The following CCDC15 variants were observed in gnomAD, a reference collection of about 807,000 sequenced individuals.
CCDC15 encodes coiled-coil domain containing 15.
CCDC15 carries 105 observed loss-of-function variants against 114.5 expected under a neutral mutation model. That is an observed-to-expected ratio of 0.92 (90% CI 0.78 to 1.08). The LOEUF is 1.08. CCDC15 is among the 50% of genes least tolerant of loss of function. The probability of loss-of-function intolerance (pLI) is 0.00; values close to 1 mark genes in which losing one functional copy is unlikely to be tolerated. For synonymous variants in CCDC15, 334 were observed against 377.8 expected (o/e 0.88, Z 1.34); for missense variants, 1,105 against 1,093.6 (o/e 1.01, Z -0.15).
At position 124,959,795 on chromosome 11, in the gene CCDC15, C is replaced by G; in HGVS notation, c.328-20C>G. ...GGATTGGGGTAGAATGTTACTATCC[C>G]CCTTTCTTCTTTCGTGTAGGCACAA... On this transcript the variant is annotated intron_variant, in intron 3 of 15. Coordinates refer to ENST00000344762, the MANE Select transcript of CCDC15 (RefSeq NM_025004.3). The G allele has an allele frequency of 6.4e-7, 1 of 1,563,194 alleles. No individual in the cohort carries two copies. Among genetic ancestry groups the G allele is most frequent in the African/African-American group, 1.4e-5 (1 of 73,776 alleles).
intron 4 of CCDC15, among the ~76,000 whole-genome samples, chr11:124,960,395 C>G (rs1386634811): frequency 6.6e-6 from 1 of 150,552 alleles, no homozygotes; most frequent in African/African-American, 2.4e-5. Context: ...TATTAGAAAG[C>G]ACTTTAGGTC....
At chr11:125,030,673 G>A (rs1948732353) in intron 13 of CCDC15, among the ~76,000 whole-genome samples, 1 of 152,218 alleles carries the variant, frequency 6.6e-6, no homozygotes, top group South Asian at 2.1e-4. Context: ...CTCAGTGCTT[G>A]TCTCTTCTGC....
intron 4 of CCDC15, among the ~76,000 whole-genome samples, chr11:124,961,583 A>T (rs191438026): frequency 1.0e-3 from 154 of 152,322 alleles, no homozygotes; most frequent in Non-Finnish European, 1.5e-3. Context: ...GCAGTGGTGC[A>T]GTCCTGGCTC....
intron 6 of CCDC15, among the ~76,000 whole-genome samples, chr11:124,982,077 T>A (rs539265651): frequency 9.2e-5 from 14 of 152,206 alleles, no homozygotes; most frequent in Non-Finnish European, 2.1e-4. Context: ...TGTTATTTGT[T>A]CAGAGTCTGT....
intron 11 of CCDC15, among the ~76,000 whole-genome samples, chr11:124,995,969 A>G (rs1159880742): frequency 6.6e-6 from 1 of 151,838 alleles, no homozygotes; most frequent in East Asian, 1.9e-4. Context: ...AGCTGGGACT[A>G]CAGGCATGTG....
Position 124,959,263 on chromosome 11 carries a change from G to T in CCDC15, c.326G>T (p.Arg109Ile). ...CAACAGCTTCAGAAGTCTTATGAAA[G>T]AGTAAGTTCAAAAGTGAGCCTGAGT... ...KKQQLQKSYE[R>I]AQKEGSIAMQ... Residue 109 changes from arginine to isoleucine, a missense_variant and splice_region_variant, in exon 3 of 16, where the codon AGA becomes ATA. Arg to Ile is a moderately conservative substitution (Grantham distance 97, BLOSUM62 -3). Coordinates refer to ENST00000344762, the MANE Select transcript of CCDC15 (RefSeq NM_025004.3). 1 of 1,572,048 alleles carries T rather than the reference G, an allele frequency of 6.4e-7. No individual in the cohort carries two copies. The highest frequency in any genetic ancestry group is 1.2e-5 in the South Asian group (1 of 81,480).
At position 125,038,970 on chromosome 11, in the gene CCDC15, A is replaced by G. The variant is rs1948796375; in HGVS notation, c.2635A>G (p.Asn879Asp). The G allele has an allele frequency of 2.5e-6, 4 of 1,613,498 alleles. No individual in the cohort carries two copies. Among genetic ancestry groups the G allele is most frequent in the Non-Finnish European group, 3.4e-6 (4 of 1,179,564 alleles). The change falls in exon 15 of 16, where the codon AAT becomes GAT. Residue 879 changes from asparagine (N) to aspartate (D), a missense_variant. Physicochemically the swap from Asn to Asp is conservative, Grantham distance 23. Coordinates refer to ENST00000344762, the MANE Select transcript of CCDC15 (RefSeq NM_025004.3). The part of the protein sequence containing the change: ...AQIQEKMQLY[N>D]ITLPPLCCCG... ...AATCCAGGAGAAAATGCAGCTGTAT[A>G]ATATTACTTTACCTCCACTATGCTG...
chr11:124,993,768 T>G (rs1948311849), intron 11 of CCDC15, among the ~76,000 whole-genome samples: 1 of 152,196 alleles, frequency 6.6e-6, no homozygotes, highest in Non-Finnish European at 1.5e-5. Context: ...AAAAAGATCA[T>G]GATGATCACG....
In CCDC15 at chr11:124,987,553, A is replaced by C. The variant is rs748125887; in HGVS notation, c.1327A>C (p.Lys443Gln). Residue 443 changes from lysine to glutamine, a missense_variant, in exon 8 of 16, where the codon AAA becomes CAA. Physicochemically the swap from Lys to Gln is moderately conservative, Grantham distance 53. Coordinates refer to ENST00000344762, the MANE Select transcript of CCDC15 (RefSeq NM_025004.3). ...VLPKDQSILL[K>Q]YQDQDFLPRD... Reference sequence around the variant, plus strand: ...CCCTAAAGACCAGAGTATTCTACTCAAATATCAGGACCAGGACTTCCTACC... The same window carrying C: ...CCCTAAAGACCAGAGTATTCTACTCCAATATCAGGACCAGGACTTCCTACC... The C allele has an allele frequency of 1.8e-5, 29 of 1,613,926 alleles. No individual in the cohort carries two copies. Among genetic ancestry groups the C allele is most frequent in the Non-Finnish European group, 2.2e-5 (26 of 1,179,916 alleles).
Position 124,991,518 on chromosome 11 carries a change from T to C in CCDC15, c.1966T>C (p.Phe656Leu). ...DMTDEKGRED[F>L]SLADYQCLPP... ...GACAGATGAGAAAGGGAGAGAAGAC[T>C]TTTCTCTGGCAGACTATCAGTGTTT... Residue 656 changes from phenylalanine (F) to leucine (L), a missense_variant, in exon 9 of 16, where the codon TTT becomes CTT. Transcript: ENST00000344762. 1 of 1,609,552 alleles carries C rather than the reference T, an allele frequency of 6.2e-7. No homozygotes were observed. Among genetic ancestry groups the C allele is most frequent in the Non-Finnish European group, 8.5e-7 (1 of 1,176,576 alleles).
intron 11 of CCDC15, among the ~76,000 whole-genome samples, chr11:124,995,053 G>A (rs1948341225): frequency 6.6e-6 from 1 of 152,138 alleles, no homozygotes; most frequent in Non-Finnish European, 1.5e-5. Flanking sequence ...GTTTGGGTCT[G>A]TAAGGTTGGC....
chr11:124,956,549 C>G (rs1372358261), intron 2 of CCDC15, among the ~76,000 whole-genome samples: 1 of 152,192 alleles, frequency 6.6e-6, no homozygotes, highest in Non-Finnish European at 1.5e-5. Context: ...GTTGACACCT[C>G]TTTGTAATTG....
rs768068914 is a variant in CCDC15, at chr11:124,987,291, T to C, written c.1065T>C (p.Ser355=). The change falls in exon 8 of 16, where the codon AGT becomes AGC. Residue 355 remains serine, a synonymous_variant. Transcript: ENST00000344762. ...ETQGDLTGIQ[S]VKPDTQAVEM... is the part of the protein sequence containing the mutation. ...AGGGTGATTTGACAGGAATCCAGAG[T>C]GTTAAGCCAGATACCCAGGCTGTTG... 6.2e-6 allele frequency: 10 copies of C among 1,608,986 alleles called. No individual in the cohort carries two copies. The South Asian group carries it at 8.9e-5, about 14-fold the overall frequency.
intron 6 of CCDC15, among the ~76,000 whole-genome samples, chr11:124,982,700 C>G (rs1948091035): frequency 1.3e-5 from 2 of 152,156 alleles, no homozygotes; most frequent in South Asian, 4.1e-4. Flanking sequence ...CCTATCTCTT[C>G]TCCCTGGCTG....
intron 13 of CCDC15, among the ~76,000 whole-genome samples, chr11:125,030,718 G>C (rs956900433): frequency 1.3e-5 from 2 of 152,200 alleles, no homozygotes; most frequent in African/African-American, 4.8e-5. Flanking sequence ...GCTGTAGCCA[G>C]GTCAGCCTTG....
intron 13 of CCDC15, among the ~76,000 whole-genome samples, chr11:125,034,200 G>C (rs532337692): frequency 2.0e-5 from 3 of 152,314 alleles, no homozygotes; most frequent in Admixed American, 6.5e-5. Flanking sequence ...TGCCACTACT[G>C]GGGATGAGAA....
intron 5 of CCDC15, 100 bp from the exon 6 acceptor site, chr11:124,977,378 T>G (rs1188040826): frequency 1.5e-5 from 18 of 1,163,266 alleles, no homozygotes; most frequent in Non-Finnish European, 1.2e-6. Flanking sequence ...TACCAAAACC[T>G]ACTAAGATAA....
Position 124,992,596 on chromosome 11 carries a change from T to A in CCDC15, c.2048T>A (p.Met683Lys). The change falls in exon 10 of 16, where the codon ATG (methionine) becomes AAG (lysine). Residue 683 changes from methionine to lysine, a missense_variant. Transcript: ENST00000344762. ...DIKNQQPASF[M>K]REERVREELP... Reference sequence around the variant, plus strand: ...TTTCTCAAGCAACCTGCATCTTTTATGAGAGAAGAAAGAGTGAGAGAAGAA... The same window carrying A: ...TTTCTCAAGCAACCTGCATCTTTTAAGAGAGAAGAAAGAGTGAGAGAAGAA... 1 of 1,594,778 alleles carries A rather than the reference T, an allele frequency of 6.3e-7. No individual in the cohort carries two copies. The highest frequency in any genetic ancestry group is 8.6e-7 in the Non-Finnish European group (1 of 1,169,438).
chr11:125,003,347 T>C (rs1948508468), intron 11 of CCDC15, among the ~76,000 whole-genome samples: 3 of 151,956 alleles, frequency 2.0e-5, no homozygotes, highest in Admixed American at 1.3e-4. Flanking sequence ...CCATGTAATG[T>C]CCAAGTAGAT....
Sources: gnomAD v4.1 joint callset for allele counts (sites outside exome capture counted in the v4.1 genomes callset) on GRCh38, gnomAD v4.1.1 for gene constraint, MANE v1.5 for transcripts, NCBI Gene and HGNC (gene_info 2026-07-23, HGNC 2026-07-21) for gene names.